Variants in CACNA2D2 observed in about 807,000 individuals in gnomAD.
CACNA2D2 encodes the protein calcium voltage-gated channel auxiliary subunit alpha2delta 2.
CACNA2D2 carries 48 observed loss-of-function variants against 166.4 expected under a neutral mutation model. The ratio of observed to expected loss-of-function variants is 0.29; its 90% CI spans 0.23 to 0.37. The LOEUF is 0.37. Among genes scored for constraint, CACNA2D2 ranks in the 10% least tolerant of loss-of-function variants. The pLI, the probability that CACNA2D2 is intolerant of heterozygous loss-of-function variation, is 1.00. For missense variants in CACNA2D2, 1,122 were observed against 1,433.0 expected, an observed-to-expected ratio of 0.78 and a Z score of 3.50; for synonymous variants, 561 against 573.7, an observed-to-expected ratio of 0.98 and a Z score of 0.32.
chr3:50,465,310 A>G (rs1383761876), intron 2 of CACNA2D2, among the ~76,000 whole-genome samples: 2 of 152,258 alleles, frequency 1.3e-5, no homozygotes, highest in East Asian at 3.8e-4. Flanking sequence ...TAGAAGGAAT[A>G]AATTCACTGC....
In CACNA2D2 at chr3:50,365,074, C is replaced by T; in HGVS notation, c.3208+1G>A. The T allele has an allele frequency of 6.2e-7, 1 of 1,610,352 alleles. No individual in the cohort carries two copies. Among genetic ancestry groups the T allele is most frequent in the Non-Finnish European group, 8.5e-7 (1 of 1,179,038 alleles). On this transcript the variant is annotated splice_donor_variant, in intron 36 of 37. Transcript: ENST00000424201. LOFTEE classifies it high-confidence loss of function. This position sits in a 1 kb window ranked among gnomAD's most constrained non-coding sequence, Gnocchi z 4.5. The stretch of plus-strand genomic sequence containing the variant: ...CGGCGGGGAGGGCGGGGGCAGGATA[C>T]AGTGCGTCTCCTTCTGCAGCAGCCG...
At chr3:50,414,952 T>C (rs1707200584) in intron 3 of CACNA2D2, among the ~76,000 whole-genome samples, 1 of 152,090 alleles carries the variant, frequency 6.6e-6, no homozygotes, top group African/African-American at 2.4e-5. Context: ...TGAAGAGAAT[T>C]TGTAAGTGAC....
chr3:50,445,430 G>A (rs1708797543), intron 2 of CACNA2D2, among the ~76,000 whole-genome samples: 2 of 152,116 alleles, frequency 1.3e-5, no homozygotes, highest in Non-Finnish European at 2.9e-5. Context: ...CACCATGCCT[G>A]GGCCATCTCA....
chr3:50,481,877 T>G (rs1698069991), intron 1 of CACNA2D2, among the ~76,000 whole-genome samples: 1 of 152,100 alleles, frequency 6.6e-6, no homozygotes, highest in Non-Finnish European at 1.5e-5. Context: ...ACACCTGTAG[T>G]CCCAGCTACC....
At position 50,378,302 on chromosome 3, in the gene CACNA2D2, G is replaced by A. The variant is rs1163921797; in HGVS notation, c.1371C>T (p.Ala457=). 3.9e-6 allele frequency: 6 copies of A among 1,552,618 alleles called. No individual in the cohort carries two copies. The highest frequency in any genetic ancestry group is 2.0e-5 in the Admixed American group (1 of 51,146). ...GYYFEIPSIG[A]IRINTQEYLD... ...GTCTCACCTGTGTGTTGATGCGGATGGCTCCGATGGAAGGGATCTCAAAAT... is the reference window on the plus strand; with the variant it reads ...GTCTCACCTGTGTGTTGATGCGGATAGCTCCGATGGAAGGGATCTCAAAAT... The change falls in exon 14 of 38, where the codon GCC becomes GCT. Residue 457 remains alanine, a synonymous_variant. Transcript: ENST00000424201.
intron 1 of CACNA2D2, among the ~76,000 whole-genome samples, chr3:50,497,729 C>A (rs1345529841): frequency 6.6e-6 from 1 of 152,144 alleles, no homozygotes; most frequent in Admixed American, 6.5e-5. Context: ...GCCAGCAGGG[C>A]CATCTCAATC....
chr3:50,373,231 A>G, intron 22 of CACNA2D2: 1 of 719,792 alleles, frequency 1.4e-6, no homozygotes, highest in South Asian at 1.7e-5. Context: ...TCTCATCATC[A>G]TACCGAAAGG....
chr3:50,394,309 G>A, intron 3 of CACNA2D2, 141 bp from the exon 4 acceptor site: 1 of 693,230 alleles, frequency 1.4e-6, no homozygotes, highest in South Asian at 1.6e-5. Context: ...GAGACCCTCA[G>A]AGATTCTCTG....
chr3:50,496,174 T>C (rs1698713858), intron 1 of CACNA2D2, among the ~76,000 whole-genome samples: 1 of 152,242 alleles, frequency 6.6e-6, no homozygotes, highest in Admixed American at 6.5e-5. Context: ...GAGCCCATTC[T>C]GGCTGCAGAG....
At chr3:50,470,554 T>A (rs1235396519) in intron 2 of CACNA2D2, among the ~76,000 whole-genome samples, 1 of 139,302 alleles carries the variant, frequency 7.2e-6, no homozygotes, top group Non-Finnish European at 1.6e-5. Flanking sequence ...AAATGGAATT[T>A]TCTCCTGCCA....
chr3:50,436,199 C>G (rs1421728657), intron 2 of CACNA2D2, among the ~76,000 whole-genome samples: 1 of 152,106 alleles, frequency 6.6e-6, no homozygotes. Context: ...ATGGTCTCAG[C>G]CACATCCACC....
At chr3:50,435,536 G>A (rs1356586111) in intron 2 of CACNA2D2, among the ~76,000 whole-genome samples, 3 of 151,474 alleles carry the variant, frequency 2.0e-5, no homozygotes, top group Non-Finnish European at 4.4e-5. Flanking sequence ...GGGGAGATAA[G>A]GAGGGGGGAG....
In CACNA2D2 at chr3:50,366,037, C is replaced by G; in HGVS notation, c.2836G>C (p.Gly946Arg). ...ACAPQPPGNL[G>R]AAPRGVFVPT... is the part of the protein sequence containing the mutation. The stretch of plus-strand genomic sequence containing the variant: ...ACAAAGACACCCCGGGGTGCAGCAC[C>G]CAGGTTGCCAGGGGGCTGAGGGGCA... Residue 946 changes from glycine to arginine, a missense_variant, in exon 32 of 38, where the codon GGT becomes CGT. By Grantham distance (125) the Gly-to-Arg change is moderately radical. Transcript: ENST00000424201. This position sits in a 1 kb window ranked among gnomAD's most constrained non-coding sequence, Gnocchi z 5.9. The G allele has an allele frequency of 6.2e-7, 1 of 1,613,198 alleles. No individual in the cohort carries two copies. The highest frequency in any genetic ancestry group is 8.5e-7 in the Non-Finnish European group (1 of 1,179,832).
In CACNA2D2 at chr3:50,375,550, G is replaced by A; in HGVS notation, c.1907+94C>T. On this transcript the variant is annotated intron_variant, in intron 21 of 37. Coordinates refer to ENST00000424201, the MANE Select transcript of CACNA2D2 (RefSeq NM_006030.4). This position sits in a 1 kb window ranked among gnomAD's most constrained non-coding sequence, Gnocchi z 4.0. The stretch of plus-strand genomic sequence containing the variant: ...GCCCTGGCCACTGGTGCCCCACTGG[G>A]ATGGTGGTCACAGTGGGAGAGGGAG... 7.4e-7 allele frequency: 1 copy of A among 1,343,554 alleles called. No individual in the cohort carries two copies. Among genetic ancestry groups the A allele is most frequent in the Non-Finnish European group, 1.1e-6 (1 of 948,190 alleles). The allele number at this position is 1,343,554 out of a possible 1,614,324, so 83.2% of individuals were successfully genotyped here.
At chr3:50,407,757 T>C (rs534508879) in intron 3 of CACNA2D2, among the ~76,000 whole-genome samples, 14 of 152,256 alleles carry the variant, frequency 9.2e-5, no homozygotes, top group Admixed American at 4.6e-4. Flanking sequence ...AAAGGGCACA[T>C]AAACCCTATG....
chr3:50,386,114 C>T (rs587634887), intron 5 of CACNA2D2, among the ~76,000 whole-genome samples: 2 of 152,282 alleles, frequency 1.3e-5, no homozygotes, highest in South Asian at 4.1e-4. Context: ...TTATACCAGG[C>T]GTTTGGCCTA....
At position 50,377,400 on chromosome 3, in the gene CACNA2D2, T is replaced by G; in HGVS notation, c.1626+67A>C. On this transcript the variant is annotated intron_variant, in intron 17 of 37. Coordinates refer to ENST00000424201, the MANE Select transcript of CACNA2D2 (RefSeq NM_006030.4). Reference sequence around the variant, plus strand: ...GGAGGCGCTGTAATACCCATCAGTCTTCTCTGCTGAGCCTGCCTGTGTCCA... The same window carrying G: ...GGAGGCGCTGTAATACCCATCAGTCGTCTCTGCTGAGCCTGCCTGTGTCCA... The G allele has an allele frequency of 3.0e-6, 4 of 1,349,144 alleles. No homozygotes were observed. The Admixed American group carries it at 7.0e-5, about 24-fold the overall frequency. 83.6% of individuals were successfully genotyped at this position (1,349,144 alleles called of 1,614,324 possible).
chr3:50,466,274 G>GTGTGTGTGTGTGTGTGTGCA (rs769554458), intron 2 of CACNA2D2, among the ~76,000 whole-genome samples: 1 of 99,644 alleles, frequency 1.0e-5, no homozygotes, highest in Admixed American at 1.5e-4. Context: ...GTGTGCGCAT[G>GTGTGTGTGTGTGTGTGTGCA]TGTGTGTGTG....
At chr3:50,450,774 T>TC (rs1709060063) in intron 2 of CACNA2D2, among the ~76,000 whole-genome samples, 1 of 151,752 alleles carries the variant, frequency 6.6e-6, no homozygotes, top group Non-Finnish European at 1.5e-5. Flanking sequence ...TCGGCAGGCC[T>TC]CCCCTCCCTG....
Sources: allele counts gnomAD v4.1 joint callset (sites outside exome capture counted in the v4.1 genomes callset), GRCh38; gene constraint gnomAD v4.1.1; non-coding constraint Gnocchi (gnomAD v3.1); transcripts MANE v1.5; gene names NCBI Gene and HGNC (gene_info 2026-07-23, HGNC 2026-07-21).